The following PPP3CC variants were observed in gnomAD, a reference collection of about 807,000 sequenced individuals.
PPP3CC encodes the protein serine/threonine-protein phosphatase 2B catalytic subunit gamma isoform.
A neutral mutation model predicts 60.3 loss-of-function variants in PPP3CC; 35 were observed. The ratio of observed to expected loss-of-function variants is 0.58; its 90% confidence interval spans 0.44 to 0.77. PPP3CC has a LOEUF of 0.77. Among genes scored for constraint, PPP3CC ranks in the 30% least tolerant of loss-of-function variants. The pLI is 0.00. For synonymous variants in PPP3CC, 206 were observed against 224.3 expected (o/e 0.92, Z 0.73); for missense variants, 570 against 628.9 (o/e 0.91, Z 1.00).
intron 1 of PPP3CC, among the ~76,000 whole-genome samples, chr8:22,447,221 C>T (rs1331053762): frequency 7.0e-6 from 1 of 143,802 alleles, no homozygotes; most frequent in African/African-American, 2.6e-5. Flanking sequence ...GCTCTGTCGT[C>T]CAGGCTGGAG....
chr8:22,521,333 C>G (rs904789906), intron 6 of PPP3CC, among the ~76,000 whole-genome samples: 1 of 152,144 alleles, frequency 6.6e-6, no homozygotes, highest in Non-Finnish European at 1.5e-5. Flanking sequence ...GGATCTGTTA[C>G]TAGGGGCATC....
intron 3 of PPP3CC, among the ~76,000 whole-genome samples, chr8:22,489,408 C>T (rs1838313280): frequency 6.6e-6 from 1 of 151,304 alleles, no homozygotes; most frequent in Non-Finnish European, 1.5e-5. Context: ...TATACACATG[C>T]TTCTACTGTA....
At chr8:22,464,390 A>AT (rs1181354067) in intron 1 of PPP3CC, among the ~76,000 whole-genome samples, 1 of 152,020 alleles carries the variant, frequency 6.6e-6, no homozygotes, top group Non-Finnish European at 1.5e-5. Context: ...TTATTTACTT[A>AT]TTTTTTAGAG....
At chr8:22,503,581 C>T (rs1374990487) in intron 4 of PPP3CC, among the ~76,000 whole-genome samples, 2 of 151,924 alleles carry the variant, frequency 1.3e-5, no homozygotes, top group Non-Finnish European at 2.9e-5. Context: ...TTATGGAATA[C>T]ATGAGATATT....
At chr8:22,525,158 A>G (rs1012785481) in intron 8 of PPP3CC, among the ~76,000 whole-genome samples, 1 of 149,714 alleles carries the variant, frequency 6.7e-6, no homozygotes, top group African/African-American at 2.5e-5. Context: ...TCTAAAAAAT[A>G]AAAAAAAAAG....
chr8:22,517,110 T>G (rs1274113547), intron 6 of PPP3CC, among the ~76,000 whole-genome samples: 1 of 152,212 alleles, frequency 6.6e-6, no homozygotes. Context: ...TTATAGAATG[T>G]AGCTACTGGG....
chr8:22,455,216 G>T (rs1386148067), intron 1 of PPP3CC, among the ~76,000 whole-genome samples: 2 of 152,154 alleles, frequency 1.3e-5, no homozygotes, highest in African/African-American at 4.8e-5. Flanking sequence ...TTCTGGTTAT[G>T]CTTAGAAGGG....
At chr8:22,507,669 T>C (rs1838963416) in intron 4 of PPP3CC, among the ~76,000 whole-genome samples, 3 of 152,202 alleles carry the variant, frequency 2.0e-5, no homozygotes, top group Admixed American at 2.0e-4. Flanking sequence ...ATGTACTAAG[T>C]GCCAGCATTA....
chr8:22,492,794 G>C (rs951993393), intron 3 of PPP3CC: 5 of 1,002,668 alleles, frequency 5.0e-6, no homozygotes, highest in Non-Finnish European at 7.9e-6. Context: ...CTCTGGTATT[G>C]AAGAGGTGAA....
chr8:22,528,427 GTTTA>G (rs1411665341), intron 9 of PPP3CC, 75 bp from the exon 10 acceptor site: 1 of 932,908 alleles, frequency 1.1e-6, no homozygotes, highest in Non-Finnish European at 1.5e-6. Context: ...TAACATGTGT[GTTTA>G]TTTAGATATC....
At chr8:22,476,211 A>G (rs1837883555) in intron 3 of PPP3CC, among the ~76,000 whole-genome samples, 1 of 152,258 alleles carries the variant, frequency 6.6e-6, no homozygotes. Flanking sequence ...TGTGTAAAAG[A>G]TAAAACTACT....
At chr8:22,518,876 G>A (rs1282947837) in intron 6 of PPP3CC, among the ~76,000 whole-genome samples, 1 of 151,894 alleles carries the variant, frequency 6.6e-6, no homozygotes, top group Non-Finnish European at 1.5e-5. Flanking sequence ...TAGTAGAGAC[G>A]GAGTTTCACC....
chr8:22,535,161 GA>G (rs1839816275), intron 12 of PPP3CC, among the ~76,000 whole-genome samples: 1 of 152,148 alleles, frequency 6.6e-6, no homozygotes, highest in Admixed American at 6.5e-5. Context: ...CTCAATCAGA[GA>G]GGGAGTTTGC....
intron 6 of PPP3CC, among the ~76,000 whole-genome samples, chr8:22,521,954 A>T (rs1839415626): frequency 7.6e-6 from 1 of 132,026 alleles, no homozygotes; most frequent in Non-Finnish European, 1.6e-5. Context: ...ACAGAGCAAG[A>T]CTCCGTCTCA....
intron 12 of PPP3CC, among the ~76,000 whole-genome samples, chr8:22,539,050 A>G (rs1179164213): frequency 6.6e-6 from 1 of 152,156 alleles, no homozygotes; most frequent in East Asian, 1.9e-4. Flanking sequence ...GAGCAGTAAG[A>G]TGTAGTTGTA....
chr8:22,532,088 G>T, intron 10 of PPP3CC, 137 bp from the exon 11 acceptor site: 4 of 552,932 alleles, frequency 7.2e-6, no homozygotes, highest in Admixed American at 3.8e-5. Context: ...ATTTTTGTTT[G>T]TTTAAACAAA....
chr8:22,487,415 G>A (rs1359431437), intron 3 of PPP3CC, among the ~76,000 whole-genome samples: 1 of 152,148 alleles, frequency 6.6e-6, no homozygotes, highest in Non-Finnish European at 1.5e-5. Context: ...CCTGAGGTCA[G>A]GAGTTCGAGA....
chr8:22,539,409 G>A (rs565201967), intron 12 of PPP3CC, 60 bp from the exon 13 acceptor site: 2 of 1,592,472 alleles, frequency 1.3e-6, no homozygotes, highest in Non-Finnish European at 1.7e-6. Flanking sequence ...CAGTGCTGTT[G>A]GTTTACTCAC....
rs10106466 is a variant in PPP3CC, at chr8:22,478,763, G to C, written c.372+3139G>C. Among the ~76,000 whole-genome samples, 246 of 152,234 alleles carry C rather than the reference G, an allele frequency of 1.6e-3. 2 individuals are homozygous for C. Among genetic ancestry groups the C allele is most frequent in the African/African-American group, 5.7e-3 (236 of 41,540 alleles). On this transcript the variant is annotated intron_variant, in intron 3 of 13. Transcript: ENST00000240139. ...AAGATGCACTTACGAATAGACTTTT[G>C]TTATAATATAAAATGTGCTTCTTGA...
Sources: gnomAD v4.1 joint callset for allele counts (sites outside exome capture counted in the v4.1 genomes callset) on GRCh38, gnomAD v4.1.1 for gene constraint, MANE v1.5 for transcripts, NCBI Gene and HGNC (gene_info 2026-07-23, HGNC 2026-07-21) for gene names.